Variants in C9 observed in about 807,000 individuals in gnomAD.
C9 encodes the protein complement C9.
Under a neutral mutation model 65.4 loss-of-function variants are expected in C9, and 63 were observed. That is an observed-to-expected ratio of 0.96 (90% CI 0.79 to 1.19). The LOEUF (loss-of-function observed/expected upper bound fraction) is 1.19, where lower values mean the gene tolerates loss of function less well. C9 is among the 50% of genes most tolerant of loss of function. The pLI, the probability that C9 is intolerant of heterozygous loss-of-function variation, is 0.00. For synonymous variants in C9, 229 were observed against 227.9 expected, an observed-to-expected ratio of 1.00 and a Z score of -0.04; for missense variants, 744 against 670.1, an observed-to-expected ratio of 1.11 and a Z score of -1.22.
chr5:39,290,256 A>G, intron 9 of C9, among the ~76,000 whole-genome samples: 1 of 152,066 alleles, frequency 6.6e-6, no homozygotes, highest in Non-Finnish European at 1.5e-5. Context: ...AAAATTAAAA[A>G]GTTCTTATAA....
intron 10 of C9, among the ~76,000 whole-genome samples, chr5:39,287,662 T>C (rs144633615): frequency 2.6e-4 from 39 of 152,178 alleles, no homozygotes; most frequent in African/African-American, 8.2e-4. Context: ...AATGAAATCA[T>C]GTCTTTTGGA....
At chr5:39,304,271 T>C (rs1753336548) in intron 9 of C9, among the ~76,000 whole-genome samples, 1 of 152,192 alleles carries the variant, frequency 6.6e-6, no homozygotes, top group African/African-American at 2.4e-5. Flanking sequence ...AATACCTAGA[T>C]AATTGCTTTA....
chr5:39,320,193 A>T (rs1226821468), intron 5 of C9, among the ~76,000 whole-genome samples: 1 of 152,214 alleles, frequency 6.6e-6, no homozygotes, highest in Non-Finnish European at 1.5e-5. Context: ...AAACTGCCTG[A>T]TAATGAATTC....
At chr5:39,299,986 T>G (rs1386907912) in intron 9 of C9, among the ~76,000 whole-genome samples, 1 of 152,160 alleles carries the variant, frequency 6.6e-6, no homozygotes, top group African/African-American at 2.4e-5. Context: ...ATGATATCTA[T>G]TTCACTTGTG....
chr5:39,297,104 GT>G (rs1345577298), intron 9 of C9, among the ~76,000 whole-genome samples: 1 of 151,530 alleles, frequency 6.6e-6, no homozygotes, highest in Non-Finnish European at 1.5e-5. Context: ...GATTACTATA[GT>G]TAATAATTAT....
intron 9 of C9, among the ~76,000 whole-genome samples, chr5:39,295,528 T>C (rs907128278): frequency 7.9e-5 from 12 of 151,514 alleles, no homozygotes; most frequent in Admixed American, 3.3e-4. Flanking sequence ...GAAACACTAT[T>C]GAAAGAAATG....
At chr5:39,291,201 G>A (rs73078500) in intron 9 of C9, among the ~76,000 whole-genome samples, 4,330 of 151,868 alleles carry the variant, frequency 0.029, 149 homozygotes, top group African/African-American at 0.077. Flanking sequence ...CATAAACAGG[G>A]AGATAAGAGA....
chr5:39,347,745 C>T (rs1579876611), intron 1 of C9, among the ~76,000 whole-genome samples: 1 of 152,246 alleles, frequency 6.6e-6, no homozygotes, highest in Non-Finnish European at 1.5e-5. Flanking sequence ...AAGCTGGAGA[C>T]ATCATGCTAC....
intron 1 of C9, among the ~76,000 whole-genome samples, chr5:39,348,570 G>T (rs543089441): frequency 1.3e-5 from 2 of 152,270 alleles, no homozygotes; most frequent in South Asian, 4.1e-4. Context: ...TACACTGTTG[G>T]TGGGACTGTA....
At chr5:39,303,246 A>T (rs947641503) in intron 9 of C9, among the ~76,000 whole-genome samples, 1 of 152,134 alleles carries the variant, frequency 6.6e-6, no homozygotes, top group African/African-American at 2.4e-5. Context: ...CAAGTTGGCA[A>T]TAGAATTAAT....
chr5:39,340,542 T>C (rs1305078102), intron 4 of C9, among the ~76,000 whole-genome samples: 1 of 152,194 alleles, frequency 6.6e-6, no homozygotes, highest in Non-Finnish European at 1.5e-5. Flanking sequence ...CTCCAAGACA[T>C]CCCATCTGAG....
rs1754456422 is a variant in C9 at position 39,358,829 on chromosome 5, C to CA, written c.77+5558dup. Among the ~76,000 whole-genome samples the CA allele has an allele frequency of 4.0e-5, 6 of 150,918 alleles. No individual in the cohort carries two copies. The South Asian group carries it at 1.3e-3, about 32-fold the overall frequency. On this transcript the variant is annotated intron_variant, in intron 1 of 10. Coordinates refer to ENST00000263408, the MANE Select transcript of C9 (RefSeq NM_001737.5). ...TGAAACCCTGTCTCTACTAAAAATA[C>CA]AAAAAATTAGCCGGGCGTGGTGGCG...
At position 39,285,081 on chromosome 5, in the gene C9, G is replaced by A. The variant is rs1191395236; in HGVS notation, c.*118C>T. 7.0e-6 allele frequency: 6 copies of A among 851,884 alleles called. No homozygotes were observed. In the African/African-American group the frequency reaches 1.0e-4, roughly 14 times the overall value. The allele number at this position is 851,884 out of a possible 1,614,324, so 52.8% of individuals were successfully genotyped here. A position where few individuals can be genotyped will look rare whatever the true frequency, so the allele number is the denominator to read the frequency against. ...TAAGAGAGAAGAGACTTCAGAGGTT[G>A]GTAGGATTTTCATGAAGCATGTTGC... is the stretch of plus-strand genomic sequence containing the variant. On this transcript the variant is annotated 3_prime_UTR_variant, in exon 11 of 11. Transcript: ENST00000263408.
chr5:39,310,231 A>T (rs553227998), intron 7 of C9, among the ~76,000 whole-genome samples: 17 of 152,198 alleles, frequency 1.1e-4, no homozygotes, highest in Admixed American at 9.8e-4. Context: ...CCCTTCACTT[A>T]ACACCTGATA....
At chr5:39,291,029 G>C (rs3776539) in intron 9 of C9, among the ~76,000 whole-genome samples, 2 of 151,800 alleles carry the variant, frequency 1.3e-5, no homozygotes, top group Non-Finnish European at 2.9e-5. Context: ...ATAATTTTAC[G>C]TACAGTATTT....
intron 6 of C9, among the ~76,000 whole-genome samples, chr5:39,312,471 C>T (rs971481754): frequency 1.3e-5 from 2 of 152,160 alleles, no homozygotes; most frequent in African/African-American, 4.8e-5. Flanking sequence ...AAACCTAGAT[C>T]TCAGGTCTCC....
At chr5:39,298,541 T>C (rs1753228471) in intron 9 of C9, among the ~76,000 whole-genome samples, 1 of 151,634 alleles carries the variant, frequency 6.6e-6, no homozygotes, top group East Asian at 1.9e-4. Flanking sequence ...TGAAAGACAA[T>C]TGATAAAAAC....
At chr5:39,350,178 C>T (rs769496616) in intron 1 of C9, among the ~76,000 whole-genome samples, 16 of 152,136 alleles carry the variant, frequency 1.1e-4, no homozygotes, top group Middle Eastern at 3.4e-3. Flanking sequence ...GAGAGAGTGA[C>T]GGGGGAAGTA....
chr5:39,360,640 A>G (rs1754498747), intron 1 of C9, among the ~76,000 whole-genome samples: 1 of 152,220 alleles, frequency 6.6e-6, no homozygotes, highest in African/African-American at 2.4e-5. Context: ...GACAAAGGAA[A>G]TGAATAGTTC....
Sources: gnomAD v4.1 joint callset for allele counts (sites outside exome capture counted in the v4.1 genomes callset) on GRCh38, gnomAD v4.1.1 for gene constraint, MANE v1.5 for transcripts, NCBI Gene and HGNC (gene_info 2026-07-23, HGNC 2026-07-21) for gene names.